The following GCGR variants were observed in gnomAD, a reference collection of about 807,000 sequenced individuals.
The protein encoded by GCGR is glucagon receptor.
A neutral mutation model predicts 56.1 loss-of-function variants in GCGR; 41 were observed. The ratio of observed to expected loss-of-function variants is 0.73; its 90% CI spans 0.57 to 0.95. GCGR has a LOEUF of 0.95. GCGR is among the 40% of genes least tolerant of loss of function. The pLI, the probability that GCGR is intolerant of heterozygous loss-of-function variation, is 0.00. For synonymous variants in GCGR, 278 were observed against 271.1 expected, an observed-to-expected ratio of 1.03 and a Z score of -0.25; for missense variants, 595 against 638.2, an observed-to-expected ratio of 0.93 and a Z score of 0.73.
chr17:81,808,883 C>T lies in GCGR; in HGVS notation c.-136C>T, dbSNP rs1210369445. On this transcript the variant is annotated 5_prime_UTR_variant, in exon 2 of 14. Transcript: ENST00000400723. ...GGGGCAGCTTCAGGGGAGGACACCC[C>T]ACTGGCCAGGACGCCCCAGGCTCTG... 9.4e-7 allele frequency: 1 copy of T among 1,063,400 alleles called. No individual in the cohort carries two copies. Among genetic ancestry groups the T allele is most frequent in the Non-Finnish European group, 1.4e-6 (1 of 721,298 alleles). 65.9% of individuals were successfully genotyped at this position (1,063,400 alleles called of 1,614,324 possible).
chr17:81,807,928 C>T (rs1230618308), intron 1 of GCGR, among the ~76,000 whole-genome samples: 1 of 152,242 alleles, frequency 6.6e-6, no homozygotes, highest in Non-Finnish European at 1.5e-5. Flanking sequence ...CGGGGGATGT[C>T]CTCCCCACCC....
Position 81,813,751 on chromosome 17 carries a change from C to T in GCGR, c.*62C>T. ...ACCCAGAGGGCGTCGCTGGACAACC[C>T]AGAACTGGACGCCCAGCTGAGGCTG... is the stretch of plus-strand genomic sequence containing the variant. On this transcript the variant is annotated 3_prime_UTR_variant, in exon 14 of 14. Transcript: ENST00000400723. The surrounding 1 kb of genome is among the most constrained non-coding windows in gnomAD (Gnocchi z 5.3). 1 of 1,455,140 alleles carries T rather than the reference C, an allele frequency of 6.9e-7. No individual in the cohort carries two copies. Among genetic ancestry groups the T allele is most frequent in the South Asian group, 1.3e-5 (1 of 79,198 alleles). The allele number at this position is 1,455,140 out of a possible 1,614,324, so 90.1% of individuals were successfully genotyped here.
rs1196643313 is a variant in GCGR at position 81,806,709 on chromosome 17, C to T, written c.-177-2133C>T. On this transcript the variant is annotated intron_variant, in intron 1 of 13. Transcript: ENST00000400723. The surrounding 1 kb of genome is among the most constrained non-coding windows in gnomAD (Gnocchi z 6.5). ...GTTGGGGCAGAGCCAGGCTTGGCCA[C>T]GCTGGGCTCTAAGGGGCTGTCATTT... is the stretch of plus-strand genomic sequence containing the variant. 2.6e-5 allele frequency among the ~76,000 whole-genome samples: 4 copies of T among 152,098 alleles called. No homozygotes were observed. Among genetic ancestry groups the T allele is most frequent in the African/African-American group, 9.7e-5 (4 of 41,422 alleles).
chr17:81,812,486 C>A lies in GCGR; in HGVS notation c.949-91C>A. The A allele has an allele frequency of 1.5e-6, 2 of 1,300,000 alleles. No homozygotes were observed. Among genetic ancestry groups the A allele is most frequent in the African/African-American group, 1.5e-5 (1 of 68,062 alleles). 80.5% of individuals were successfully genotyped at this position (1,300,000 alleles called of 1,614,324 possible). On this transcript the variant is annotated intron_variant, in intron 10 of 13. Coordinates refer to ENST00000400723, the MANE Select transcript of GCGR (RefSeq NM_000160.5). This position sits in a 1 kb window ranked among gnomAD's most constrained non-coding sequence, Gnocchi z 8.5. ...CCAGGGCCTATCTTGCTGCCAGGCC[C>A]ACCTGCAGGAGGGTCAGGTGGGGCC...
rs2038074017 is a variant in GCGR at position 81,810,684 on chromosome 17, G to T, written c.164-141G>T. The T allele has an allele frequency of 5.3e-6, 4 of 749,754 alleles. No homozygotes were observed. Among genetic ancestry groups the T allele is most frequent in the Non-Finnish European group, 8.9e-6 (4 of 451,056 alleles). The allele number at this position is 749,754 out of a possible 1,614,324, so 46.4% of individuals were successfully genotyped here. On this transcript the variant is annotated intron_variant, in intron 3 of 13. Transcript: ENST00000400723. The surrounding 1 kb of genome is among the most constrained non-coding windows in gnomAD (Gnocchi z 4.6). ...GATGGGGGAGGTGGAGGTCAAGTGGGGGAGGGAGCAGCCCAGGCCATGTCC... is the reference window on the plus strand; with the variant it reads ...GATGGGGGAGGTGGAGGTCAAGTGGTGGAGGGAGCAGCCCAGGCCATGTCC...
rs1166483592 is a variant in GCGR at position 81,806,609 on chromosome 17, C to T, written c.-177-2233C>T. ...CGCGAGGACCTCATGTGTGGAGGCA[C>T]TGGCTTGGGGGGTGCTCCCAGTGGC... is the stretch of plus-strand genomic sequence containing the variant. On this transcript the variant is annotated intron_variant, in intron 1 of 13. Transcript: ENST00000400723. The surrounding 1 kb of genome is among the most constrained non-coding windows in gnomAD (Gnocchi z 6.5). Among the ~76,000 whole-genome samples the T allele has an allele frequency of 6.6e-6, 1 of 152,212 alleles. No homozygotes were observed. Among genetic ancestry groups the T allele is most frequent in the African/African-American group, 2.4e-5 (1 of 41,460 alleles).
Position 81,813,188 on chromosome 17 carries a change from C to T in GCGR, c.1218+131C>T, listed in dbSNP as rs1322201382. On this transcript the variant is annotated intron_variant, in intron 13 of 13. Transcript: ENST00000400723. This position sits in a 1 kb window ranked among gnomAD's most constrained non-coding sequence, Gnocchi z 5.3. ...ACGTGGGGCCCAAGCCTTTCCCTCC[C>T]CCTGCTCTTATTGGGTGCAGTTGCC... The T allele has an allele frequency of 9.4e-6, 13 of 1,386,440 alleles. No homozygotes were observed. Among genetic ancestry groups the T allele is most frequent in the Non-Finnish European group, 1.3e-5 (13 of 1,013,512 alleles). 85.9% of individuals were successfully genotyped at this position (1,386,440 alleles called of 1,614,324 possible).
At position 81,809,706 on chromosome 17, in the gene GCGR, T is replaced by C. The variant is rs866526993; in HGVS notation, c.61-76T>C. ...GCCTATCCATCTACCTGCCTGCCTG[T>C]CTGCCTGTCTGTCTGCCTGTCTGTC... On this transcript the variant is annotated intron_variant, in intron 2 of 13. Transcript: ENST00000400723. 7.8e-5 allele frequency: 90 copies of C among 1,149,846 alleles called. No individual in the cohort carries two copies. In the African/African-American group the frequency reaches 1.2e-3, roughly 16 times the overall value. The allele number at this position is 1,149,846 out of a possible 1,614,324, so 71.2% of individuals were successfully genotyped here.
At chr17:81,805,966 G>A (rs2037955236) in intron 1 of GCGR, among the ~76,000 whole-genome samples, 1 of 152,148 alleles carries the variant, frequency 6.6e-6, no homozygotes, top group South Asian at 2.1e-4. Context: ...GTCTCCTCTC[G>A]GGGGAGAGGG....
rs994784518 is a variant in GCGR at position 81,808,069 on chromosome 17, G to A, written c.-177-773G>A. Among the ~76,000 whole-genome samples, 13 of 152,332 alleles carry A rather than the reference G, an allele frequency of 8.5e-5. No homozygotes were observed. The South Asian group carries it at 1.0e-3, about 12-fold the overall frequency. ...CAACCGAGCCTTGCACGGCACCCAC[G>A]AGGCACCTAGGCACCCCGGTGCTGG... On this transcript the variant is annotated intron_variant, in intron 1 of 13. Transcript: ENST00000400723.
Position 81,811,273 on chromosome 17 carries a change from T to TACA in GCGR, c.446_448dup (p.Tyr149_Ser150insAsn). 1 of 1,536,172 alleles carries TACA rather than the reference T, an allele frequency of 6.5e-7. No homozygotes were observed. Among genetic ancestry groups the TACA allele is most frequent in the Non-Finnish European group, 8.7e-7 (1 of 1,146,764 alleles). On this transcript the variant is annotated inframe_insertion, in exon 6 of 14. Transcript: ENST00000400723. This position sits in a 1 kb window ranked among gnomAD's most constrained non-coding sequence, Gnocchi z 5.8. Reference sequence around the variant, plus strand: ...CTTCCAGGTGATGTACACAGTGGGCTACAGCCTGTCCCTGGGGGCCCTGCT... The same window carrying TACA: ...CTTCCAGGTGATGTACACAGTGGGCTACAACAGCCTGTCCCTGGGGGCCCTGCT...
Position 81,813,463 on chromosome 17 carries a change from C to T in GCGR, c.1219-11C>T, listed in dbSNP as rs1283129915. 6.5e-7 allele frequency: 1 copy of T among 1,534,008 alleles called. No individual in the cohort carries two copies. On this transcript the variant is annotated splice_polypyrimidine_tract_variant and intron_variant, in intron 13 of 13. Coordinates refer to ENST00000400723, the MANE Select transcript of GCGR (RefSeq NM_000160.5). The surrounding 1 kb of genome is among the most constrained non-coding windows in gnomAD (Gnocchi z 5.3). ...GGCCCTAGGACTGGCCTGCCCCGTC[C>T]CCCTCCCCAGGTGCAGTCGGAGCTG... is the stretch of plus-strand genomic sequence containing the variant.
At chr17:81,808,321 G>A (rs992072228) in intron 1 of GCGR, among the ~76,000 whole-genome samples, 9 of 152,164 alleles carry the variant, frequency 5.9e-5, no homozygotes, top group African/African-American at 2.2e-4. Context: ...GGAAGCAGCC[G>A]GGGGCTGTCA....
Position 81,806,012 on chromosome 17 carries a change from C to T in GCGR, c.-178+1763C>T, listed in dbSNP as rs1268823823. Among the ~76,000 whole-genome samples the T allele has an allele frequency of 6.6e-6, 1 of 152,138 alleles. No homozygotes were observed. Among genetic ancestry groups the T allele is most frequent in the East Asian group, 1.9e-4 (1 of 5,182 alleles). On this transcript the variant is annotated intron_variant, in intron 1 of 13. Coordinates refer to ENST00000400723, the MANE Select transcript of GCGR (RefSeq NM_000160.5). The surrounding 1 kb of genome is among the most constrained non-coding windows in gnomAD (Gnocchi z 6.5). ...TCAACAGAGGAGCCTCCCTTCTTCC[C>T]TTCAGGCTGGTGTCACCTTCAGTGA...
chr17:81,810,128 GGCTGCT>G lies in GCGR; in HGVS notation c.163+253_163+258del, dbSNP rs907927334. Reference sequence around the variant, plus strand: ...AGAACGGTGGCATTGCCCCAGAACCGGCTGCTGCTGCTGCCCCCAGGCCCAGATGGG... The same window carrying G: ...AGAACGGTGGCATTGCCCCAGAACCGGCTGCTGCCCCCAGGCCCAGATGGG... On this transcript the variant is annotated intron_variant, in intron 3 of 13. Coordinates refer to ENST00000400723, the MANE Select transcript of GCGR (RefSeq NM_000160.5). This position sits in a 1 kb window ranked among gnomAD's most constrained non-coding sequence, Gnocchi z 4.6. 2 of 578,416 alleles carry G rather than the reference GGCTGCT, an allele frequency of 3.5e-6. No homozygotes were observed. The highest frequency in any genetic ancestry group is 3.7e-5 in the African/African-American group (2 of 53,670). The allele number at this position is 578,416 out of a possible 1,614,324, so 35.8% of individuals were successfully genotyped here. A position where few individuals can be genotyped will look rare whatever the true frequency, so the allele number is the denominator to read the frequency against.
chr17:81,811,339 G>C lies in GCGR; in HGVS notation c.500+11G>C. 1 of 1,534,586 alleles carries C rather than the reference G, an allele frequency of 6.5e-7. No homozygotes were observed. The highest frequency in any genetic ancestry group is 8.7e-7 in the Non-Finnish European group (1 of 1,145,582). ...CCTGGGGGGCCTCAGGTAGGATTCC[G>C]CCAGCGCCCGGGGCGGCCGCAGAGG... is the stretch of plus-strand genomic sequence containing the variant. On this transcript the variant is annotated intron_variant, in intron 6 of 13. Transcript: ENST00000400723. The surrounding 1 kb of genome is among the most constrained non-coding windows in gnomAD (Gnocchi z 5.8).
chr17:81,813,867 T>C lies in GCGR; in HGVS notation c.*178T>C, dbSNP rs1323941766. ...GGGCCTCCTCTCCCTGCACCTGCCTTGTCCCTGGTGCAGAGGTGAGCAGAG... is the reference window on the plus strand; with the variant it reads ...GGGCCTCCTCTCCCTGCACCTGCCTCGTCCCTGGTGCAGAGGTGAGCAGAG... On this transcript the variant is annotated 3_prime_UTR_variant, in exon 14 of 14. Transcript: ENST00000400723. The surrounding 1 kb of genome is among the most constrained non-coding windows in gnomAD (Gnocchi z 5.3). The C allele has an allele frequency of 1.1e-5, 7 of 627,456 alleles. No individual in the cohort carries two copies. Among genetic ancestry groups the C allele is most frequent in the Non-Finnish European group, 1.9e-5 (7 of 361,536 alleles). 38.9% of individuals were successfully genotyped at this position (627,456 alleles called of 1,614,324 possible). A position where few individuals can be genotyped will look rare whatever the true frequency, so the allele number is the denominator to read the frequency against.
chr17:81,811,552 A>G lies in GCGR; in HGVS notation c.649A>G (p.Ser217Gly). 1 of 1,536,376 alleles carries G rather than the reference A, an allele frequency of 6.5e-7. No individual in the cohort carries two copies. The highest frequency in any genetic ancestry group is 1.7e-4 in the Middle Eastern group (1 of 5,990). ...CGACCTCAGTGTCAGCACCTGGCTC[A>G]GTGATGGAGTGAGCCCCCCTCGGCG... ...GDDLSVSTWL[S>G]DGAVAGCRVA... Residue 217 changes from serine (S) to glycine (G), a missense_variant, in exon 7 of 14, where the codon AGT becomes GGT. Ser to Gly is a moderately conservative substitution (Grantham distance 56). Transcript: ENST00000400723. The surrounding 1 kb of genome is among the most constrained non-coding windows in gnomAD (Gnocchi z 5.8).
chr17:81,809,769 A>C lies in GCGR; in HGVS notation c.61-13A>C. 6.5e-7 allele frequency: 1 copy of C among 1,530,022 alleles called. No individual in the cohort carries two copies. The highest frequency in any genetic ancestry group is 8.8e-7 in the Non-Finnish European group (1 of 1,142,392). 94.8% of individuals were successfully genotyped at this position (1,530,022 alleles called of 1,614,324 possible). A position where few individuals can be genotyped will look rare whatever the true frequency, so the allele number is the denominator to read the frequency against. On this transcript the variant is annotated splice_polypyrimidine_tract_variant and intron_variant, in intron 2 of 13. Transcript: ENST00000400723. ...TGTCTGTCTGTCTGGTTGCTTGTGC[A>C]TGTGTCCCCCAGCCACAGGTCCCCT...
Sources: gnomAD v4.1 joint callset for allele counts (sites outside exome capture counted in the v4.1 genomes callset) on GRCh38, gnomAD v4.1.1 for gene constraint, Gnocchi (gnomAD v3.1) non-coding constraint, MANE v1.5 for transcripts, NCBI Gene and HGNC (gene_info 2026-07-23, HGNC 2026-07-21) for gene names.